The following ADAMTSL1 variants were observed in gnomAD, a reference collection of about 807,000 sequenced individuals.
ADAMTSL1 encodes the protein ADAMTS-like protein 1.
ADAMTSL1 carries 126 observed loss-of-function variants against 201.8 expected under a neutral mutation model. The observed-to-expected ratio is 0.62, with a 90% CI of 0.54 to 0.72. The LOEUF is 0.72. Among genes scored for constraint, ADAMTSL1 ranks in the 30% least tolerant of loss-of-function variants. ADAMTSL1 has a pLI of 0.00. For missense variants in ADAMTSL1, 2,679 were observed against 2,277.8 expected (o/e 1.18, Z -3.59); for synonymous variants, 1,121 against 903.4 (o/e 1.24, Z -4.32).
intron 1 of ADAMTSL1, among the ~76,000 whole-genome samples, chr9:18,480,003 T>C (rs1426240701): frequency 1.3e-5 from 2 of 152,238 alleles, no homozygotes; most frequent in African/African-American, 4.8e-5. Flanking sequence ...AATTAACCCC[T>C]TTTGCTCTTG....
At chr9:18,285,737 T>C (rs1379310882) in intron 2 of ADAMTSL1, among the ~76,000 whole-genome samples, 2 of 152,162 alleles carry the variant, frequency 1.3e-5, no homozygotes, top group Non-Finnish European at 2.9e-5. Context: ...TATACCACTC[T>C]TTATCTTTAT....
intron 3 of ADAMTSL1, among the ~76,000 whole-genome samples, chr9:18,569,747 A>G (rs1262893379): frequency 6.6e-6 from 1 of 152,218 alleles, no homozygotes; most frequent in Non-Finnish European, 1.5e-5. Flanking sequence ...TCTATGAGCC[A>G]AGTTCAGTGC....
intron 2 of ADAMTSL1, among the ~76,000 whole-genome samples, chr9:18,284,807 G>T (rs1451882968): frequency 6.6e-6 from 1 of 151,990 alleles, no homozygotes; most frequent in African/African-American, 2.4e-5. Context: ...ATTATATATT[G>T]CTGTATTATC....
intron 2 of ADAMTSL1, among the ~76,000 whole-genome samples, chr9:18,391,967 G>T (rs982441928): frequency 6.6e-6 from 1 of 151,636 alleles, no homozygotes; most frequent in African/African-American, 2.4e-5. Context: ...TGGGACTACA[G>T]GTGCCCGCCA....
At chr9:18,098,834 A>G (rs938681065) in intron 1 of ADAMTSL1, among the ~76,000 whole-genome samples, 2 of 152,170 alleles carry the variant, frequency 1.3e-5, no homozygotes, top group East Asian at 1.9e-4. Flanking sequence ...TCAGGACCAC[A>G]GTGCTTAGCT....
At chr9:18,444,468 C>G (rs1483834066) in intron 2 of ADAMTSL1, among the ~76,000 whole-genome samples, 2 of 152,008 alleles carry the variant, frequency 1.3e-5, no homozygotes, top group African/African-American at 4.8e-5. Context: ...TACATGTGAA[C>G]AAAGAGAAAA....
intron 9 of ADAMTSL1, among the ~76,000 whole-genome samples, chr9:18,671,112 T>C (rs1219711806): frequency 6.6e-6 from 1 of 152,200 alleles, no homozygotes; most frequent in Non-Finnish European, 1.5e-5. Flanking sequence ...TCCATTTTTT[T>C]TCTTCAAATA....
intron 2 of ADAMTSL1, among the ~76,000 whole-genome samples, chr9:18,402,500 A>C (rs1220688310): frequency 6.6e-6 from 1 of 152,086 alleles, no homozygotes; most frequent in Non-Finnish European, 1.5e-5. Flanking sequence ...ATTTCCTCTA[A>C]GTCTCTAATC....
At chr9:18,198,246 A>T (rs1426242405) in intron 2 of ADAMTSL1, among the ~76,000 whole-genome samples, 172 of 151,592 alleles carry the variant, frequency 1.1e-3, no homozygotes, top group African/African-American at 3.9e-3. Context: ...ACAAAAGCCA[A>T]AATTGACAAA....
At chr9:17,977,412 T>C (rs1414433511) in intron 1 of ADAMTSL1, among the ~76,000 whole-genome samples, 3 of 152,150 alleles carry the variant, frequency 2.0e-5, no homozygotes, top group African/African-American at 4.8e-5. Context: ...TTTAAATGTT[T>C]AGTAAAATTC....
intron 20 of ADAMTSL1, among the ~76,000 whole-genome samples, chr9:18,807,470 C>T (rs1042589057): frequency 1.3e-5 from 2 of 151,994 alleles, no homozygotes; most frequent in Non-Finnish European, 2.9e-5. Flanking sequence ...CGGTGAAACC[C>T]CGTCTCTACT....
At chr9:18,859,870 T>C (rs1827100861) in intron 23 of ADAMTSL1, among the ~76,000 whole-genome samples, 1 of 152,092 alleles carries the variant, frequency 6.6e-6, no homozygotes. Context: ...GGGGTACAAG[T>C]GGTTTTTTTG....
At chr9:18,417,383 A>AAAAAAAAAAAAAAAG (rs1563946563) in intron 2 of ADAMTSL1, among the ~76,000 whole-genome samples, 7 of 123,068 alleles carry the variant, frequency 5.7e-5, no homozygotes, top group South Asian at 4.9e-4. Flanking sequence ...AAAAAAAAAG[A>AAAAAAAAAAAAAAAG]AAAAAAAAAC....
At chr9:18,108,482 G>T (rs1824861329) in intron 1 of ADAMTSL1, among the ~76,000 whole-genome samples, 1 of 152,088 alleles carries the variant, frequency 6.6e-6, no homozygotes, top group Non-Finnish European at 1.5e-5. Flanking sequence ...TTACCAGGGT[G>T]AGCCACTGTG....
intron 7 of ADAMTSL1, among the ~76,000 whole-genome samples, chr9:18,641,949 C>T (rs1466936368): frequency 6.6e-6 from 1 of 151,916 alleles, no homozygotes; most frequent in Non-Finnish European, 1.5e-5. Context: ...ATTTAAATGG[C>T]CATGTACCTA....
intron 1 of ADAMTSL1, among the ~76,000 whole-genome samples, chr9:18,153,203 A>C (rs1172073123): frequency 1.3e-5 from 2 of 152,016 alleles, no homozygotes; most frequent in Non-Finnish European, 2.9e-5. Flanking sequence ...TTGAAGAGAC[A>C]ACCCAAACAG....
intron 1 of ADAMTSL1, among the ~76,000 whole-genome samples, chr9:17,939,260 G>GT (rs1483210082): frequency 6.7e-6 from 1 of 150,130 alleles, no homozygotes; most frequent in African/African-American, 2.5e-5. Flanking sequence ...TGAATGTGGT[G>GT]TTACCTAACC....
intron 15 of ADAMTSL1, among the ~76,000 whole-genome samples, chr9:18,722,828 ACAGCAGT>A (rs1467809328): frequency 6.6e-6 from 1 of 152,236 alleles, no homozygotes; most frequent in African/African-American, 2.4e-5. Context: ...ACCCATGAGA[ACAGCAGT>A]CAACAAGATA....
intron 2 of ADAMTSL1, among the ~76,000 whole-genome samples, chr9:18,254,648 C>T (rs1455139162): frequency 6.8e-6 from 1 of 148,080 alleles, no homozygotes; most frequent in South Asian, 2.2e-4. Context: ...CAGGCGTGAG[C>T]CACCGCGCCT....
Sources: gnomAD v4.1 joint callset for allele counts (sites outside exome capture counted in the v4.1 genomes callset) on GRCh38, gnomAD v4.1.1 for gene constraint, MANE v1.5 for transcripts, NCBI Gene and HGNC (gene_info 2026-07-23, HGNC 2026-07-21) for gene names.